ARL6IP6: variants seen among roughly 807,000 people sequenced by gnomAD.
ARL6IP6 encodes the protein ADP-ribosylation factor-like protein 6-interacting protein 6.
In ARL6IP6, 22 loss-of-function variants were observed where a neutral mutation model predicts 21.5. The observed-to-expected ratio is 1.02, with a 90% CI of 0.73 to 1.46. The LOEUF (loss-of-function observed/expected upper bound fraction) is 1.46, where lower values mean the gene tolerates loss of function less well. Among genes scored for constraint, ARL6IP6 ranks in the 40% most tolerant of loss-of-function variants. The probability of loss-of-function intolerance (pLI) is 0.00; values close to 1 mark genes in which losing one functional copy is unlikely to be tolerated. For missense variants in ARL6IP6, 388 were observed against 299.8 expected (o/e 1.29, Z -2.17); for synonymous variants, 164 against 125.3 (o/e 1.31, Z -2.06).
chr2:152,740,059 G>A (rs1401277769), intron 3 of ARL6IP6, among the ~76,000 whole-genome samples: 1 of 152,152 alleles, frequency 6.6e-6, no homozygotes, highest in Admixed American at 6.5e-5. Flanking sequence ...GATTTGGGTG[G>A]GGACACAGTC....
Position 152,729,242 on chromosome 2 carries a change from C to T in ARL6IP6, c.455-5752C>T, listed in dbSNP as rs146564374. Among the ~76,000 whole-genome samples the T allele has an allele frequency of 3.1e-3, 478 of 151,946 alleles. 7 individuals are homozygous for T. Among genetic ancestry groups the T allele is most frequent in the East Asian group, 0.013 (66 of 5,160 alleles). ...AGAATTAGCTGGGTGTGGTGGCAGGCGCCTGTAATCCCAGCTACTTGGGAG... is the reference window on the plus strand; with the variant it reads ...AGAATTAGCTGGGTGTGGTGGCAGGTGCCTGTAATCCCAGCTACTTGGGAG... On this transcript the variant is annotated intron_variant, in intron 2 of 3. Coordinates refer to ENST00000326446, the MANE Select transcript of ARL6IP6 (RefSeq NM_152522.7).
chr2:152,755,255 G>A (rs1394979878), intron 3 of ARL6IP6, among the ~76,000 whole-genome samples: 1 of 152,162 alleles, frequency 6.6e-6, no homozygotes, highest in Non-Finnish European at 1.5e-5. Context: ...TAGCGGTAGC[G>A]TCAATGCCAA....
At chr2:152,718,600 C>G, upstream of ARL6IP6, 2 of 1,501,732 alleles carry the variant, frequency 1.3e-6, no homozygotes, top group Non-Finnish European at 1.8e-6. Context: ...GCTCGTTCTC[C>G]GCGGGTTTCG....
intron 1 of ARL6IP6, chr2:152,720,304 A>AACAGTACTCTCATCCTATGT: frequency 1.8e-6 from 1 of 555,306 alleles, no homozygotes; most frequent in Non-Finnish European, 3.2e-6. Context: ...TTAGGGAATA[A>AACAGTACTCTCATCCTATGT]ACAGTACTCT....
intron 3 of ARL6IP6, among the ~76,000 whole-genome samples, chr2:152,738,112 T>C (rs1401694260): frequency 6.6e-6 from 1 of 152,290 alleles, no homozygotes; most frequent in South Asian, 2.1e-4. Flanking sequence ...AAGTCCGAAA[T>C]TCAGTAGGGC....
At chr2:152,731,896 G>T (rs1700333285) in intron 2 of ARL6IP6, among the ~76,000 whole-genome samples, 1 of 151,996 alleles carries the variant, frequency 6.6e-6, no homozygotes, top group Non-Finnish European at 1.5e-5. Context: ...GCATAGAGCT[G>T]TTCTGAACTT....
At chr2:152,724,123 A>C (rs1699922890) in intron 2 of ARL6IP6, among the ~76,000 whole-genome samples, 1 of 141,960 alleles carries the variant, frequency 7.0e-6, no homozygotes, top group Admixed American at 7.1e-5. Context: ...AAAAAAAAAA[A>C]AAAAGAGAGA....
chr2:152,754,915 G>A (rs1053692351), intron 3 of ARL6IP6, among the ~76,000 whole-genome samples: 1 of 151,830 alleles, frequency 6.6e-6, no homozygotes, highest in African/African-American at 2.4e-5. Flanking sequence ...AGAGACCGAG[G>A]GCATGAGCTG....
chr2:152,732,168 T>C (rs1395546564), intron 2 of ARL6IP6, among the ~76,000 whole-genome samples: 1 of 151,894 alleles, frequency 6.6e-6, no homozygotes, highest in Non-Finnish European at 1.5e-5. Flanking sequence ...AAATTGTATA[T>C]TATAATATAC....
intron 3 of ARL6IP6, among the ~76,000 whole-genome samples, chr2:152,757,277 A>G (rs1180786978): frequency 6.6e-6 from 1 of 152,174 alleles, no homozygotes; most frequent in Admixed American, 6.5e-5. Flanking sequence ...AGTGCCAGAA[A>G]TGTTCTCTAT....
chr2:152,760,542 A>G lies in ARL6IP6; in HGVS notation c.*702A>G, dbSNP rs1701793179. ...TTTTTACTAATTTTTGTCTTTAAAA[A>G]AAGCAAAAAAGCACATTGACCTAAG... On this transcript the variant is annotated 3_prime_UTR_variant, in exon 4 of 4. Coordinates refer to ENST00000326446, the MANE Select transcript of ARL6IP6 (RefSeq NM_152522.7). 6.6e-6 allele frequency: 1 copy of G among 152,030 alleles called. No individual in the cohort carries two copies. The highest frequency in any genetic ancestry group is 2.1e-4 in the South Asian group (1 of 4,824). The allele number at this position is 152,030 out of a possible 1,614,324, so 9.4% of individuals were successfully genotyped here.
chr2:152,718,859 GGGT>G lies in ARL6IP6; in HGVS notation c.236_238del (p.Gly79_Ser80delinsAla), dbSNP rs1699464882. On this transcript the variant is annotated inframe_deletion, in exon 1 of 4. Transcript: ENST00000326446. ...CTCGGTGCTCCCGCCGGACGGGAAC[GGGT>G]CGCCCGTTCTGCCCGATAAGCGCAA... 6.8e-6 allele frequency: 11 copies of G among 1,613,320 alleles called. No individual in the cohort carries two copies. In the East Asian group the frequency reaches 2.5e-4, roughly 36 times the overall value.
chr2:152,754,880 G>A lies in ARL6IP6; in HGVS notation c.588-4867G>A, dbSNP rs140255507. ...ATTGGCTATTTGTATGTATGTGGGC[G>A]GCAAGCCACCCAGGTGCCAAGGCAA... On this transcript the variant is annotated intron_variant, in intron 3 of 3. Coordinates refer to ENST00000326446, the MANE Select transcript of ARL6IP6 (RefSeq NM_152522.7). Among the ~76,000 whole-genome samples, 50 of 151,968 alleles carry A rather than the reference G, an allele frequency of 3.3e-4. No individual in the cohort carries two copies. The East Asian group carries it at 6.2e-3, about 19-fold the overall frequency.
intron 2 of ARL6IP6, among the ~76,000 whole-genome samples, chr2:152,721,495 G>C (rs370768248): frequency 2.4e-4 from 37 of 152,242 alleles, no homozygotes; most frequent in African/African-American, 8.2e-4. Context: ...CCACCAAAAT[G>C]ATTCTGAAGA....
At position 152,735,141 on chromosome 2, in the gene ARL6IP6, T is replaced by C; in HGVS notation, c.587+15T>C. On this transcript the variant is annotated intron_variant, in intron 3 of 3. Coordinates refer to ENST00000326446, the MANE Select transcript of ARL6IP6 (RefSeq NM_152522.7). ...GCCAGGTTCAAGTAAGTATTCCTGT[T>C]TCCTGTTTCTTTTTTAAATGCATTT... is the stretch of plus-strand genomic sequence containing the variant. The C allele has an allele frequency of 6.2e-7, 1 of 1,612,346 alleles. No individual in the cohort carries two copies. Among genetic ancestry groups the C allele is most frequent in the Non-Finnish European group, 8.5e-7 (1 of 1,179,010 alleles).
At chr2:152,756,081 A>T (rs187075676) in intron 3 of ARL6IP6, among the ~76,000 whole-genome samples, 1 of 152,164 alleles carries the variant, frequency 6.6e-6, no homozygotes, top group Non-Finnish European at 1.5e-5. Flanking sequence ...GTTTTTAATT[A>T]GATGATGTCT....
intron 3 of ARL6IP6, among the ~76,000 whole-genome samples, chr2:152,749,333 A>ACG (rs1553533317): frequency 1.3e-4 from 19 of 151,490 alleles, no homozygotes; most frequent in Admixed American, 2.6e-4. Flanking sequence ...ACACACACAC[A>ACG]CACGCACGCA....
chr2:152,750,621 C>T (rs989437990), intron 3 of ARL6IP6, among the ~76,000 whole-genome samples: 1 of 124,700 alleles, frequency 8.0e-6, no homozygotes, highest in Non-Finnish European at 1.7e-5. Flanking sequence ...AGTTCCACTT[C>T]TGGTTCTTTT....
intron 2 of ARL6IP6, chr2:152,732,504 C>A: frequency 2.4e-6 from 1 of 422,696 alleles, no homozygotes; most frequent in Non-Finnish European, 4.8e-6. Context: ...TTTTGGATTG[C>A]TGGTCTTTTT....
Sources: gnomAD v4.1 joint callset for allele counts (sites outside exome capture counted in the v4.1 genomes callset) on GRCh38, gnomAD v4.1.1 for gene constraint, MANE v1.5 for transcripts, NCBI Gene and HGNC (gene_info 2026-07-23, HGNC 2026-07-21) for gene names.